Variants in AGBL1 observed in about 807,000 individuals in gnomAD.
AGBL1 encodes the protein cytosolic carboxypeptidase 4.
In AGBL1, 130 loss-of-function variants were observed where a neutral mutation model predicts 118.9. That is an observed-to-expected ratio of 1.09 (90% CI 0.95 to 1.26). AGBL1 has a LOEUF of 1.26. Among genes scored for constraint, AGBL1 ranks in the 50% most tolerant of loss-of-function variants. The probability of loss-of-function intolerance (pLI) is 0.00; values close to 1 mark genes in which losing one functional copy is unlikely to be tolerated. For missense variants in AGBL1, 1,584 were observed against 1,298.1 expected (o/e 1.22, Z -3.38); for synonymous variants, 555 against 478.9 (o/e 1.16, Z -2.08).
chr15:86,295,473 C>T, intron 17 of AGBL1, 65 bp downstream of exon 17: 1 of 1,460,734 alleles, frequency 6.8e-7, no homozygotes, highest in African/African-American at 1.4e-5. Flanking sequence ...GTCTTGGAAG[C>T]ATTCTGTCTC....
intron 17 of AGBL1, among the ~76,000 whole-genome samples, chr15:86,377,163 A>G (rs1312618109): frequency 1.3e-5 from 2 of 152,200 alleles, no homozygotes; most frequent in South Asian, 4.1e-4. Flanking sequence ...GATTTTATCC[A>G]TTCATCTGGG....
At chr15:86,451,678 CT>C (rs1158796765) in intron 18 of AGBL1, among the ~76,000 whole-genome samples, 1 of 152,128 alleles carries the variant, frequency 6.6e-6, no homozygotes, top group Non-Finnish European at 1.5e-5. Context: ...TTCATGTCCC[CT>C]TTTCCATTTT....
intron 22 of AGBL1, among the ~76,000 whole-genome samples, chr15:86,842,080 G>GAAACTCTT (rs2079253727): frequency 6.6e-6 from 1 of 152,006 alleles, no homozygotes; most frequent in Non-Finnish European, 1.5e-5. Context: ...CTGAAACTCT[G>GAAACTCTT]GATCTTGCAG....
intron 6 of AGBL1, among the ~76,000 whole-genome samples, chr15:86,235,366 G>T (rs979587951): frequency 2.0e-5 from 3 of 152,116 alleles, no homozygotes; most frequent in Admixed American, 6.5e-5. Context: ...CAATCAATCC[G>T]CATGCACTTG....
chr15:86,925,281 T>C lies in AGBL1; in HGVS notation c.3222-62706T>C, dbSNP rs565952961. 1.4e-4 allele frequency among the ~76,000 whole-genome samples: 22 copies of C among 152,066 alleles called. No individual in the cohort carries two copies. The South Asian group carries it at 4.4e-3, about 30-fold the overall frequency. On this transcript the variant is annotated intron_variant, in intron 23 of 24. Coordinates refer to the AGBL1 transcript ENST00000441037. The stretch of plus-strand genomic sequence containing the variant: ...GAGAGCTAAGCCCCAATCCTGGTGA[T>C]TGATTGGGGAGGTATATGGTAGAGT...
At chr15:86,973,076 G>C (rs2081127736) in intron 23 of AGBL1, among the ~76,000 whole-genome samples, 1 of 151,938 alleles carries the variant, frequency 6.6e-6, no homozygotes, top group South Asian at 2.1e-4. Context: ...CCTCAGTTTT[G>C]GCATTTGTGT....
chr15:86,858,198 C>T (rs2141474141), intron 22 of AGBL1, among the ~76,000 whole-genome samples: 1 of 152,048 alleles, frequency 6.6e-6, no homozygotes, highest in East Asian at 1.9e-4. Flanking sequence ...GAGGGTATCA[C>T]AGAAAAGAAG....
chr15:86,368,162 T>A (rs2141936974), intron 17 of AGBL1, among the ~76,000 whole-genome samples: 1 of 152,196 alleles, frequency 6.6e-6, no homozygotes. Flanking sequence ...AGCACCAAGA[T>A]GCCATAGCCC....
chr15:86,758,715 A>G (rs2077978048), intron 22 of AGBL1, among the ~76,000 whole-genome samples: 1 of 151,906 alleles, frequency 6.6e-6, no homozygotes, highest in Non-Finnish European at 1.5e-5. Flanking sequence ...CTCGTACCCA[A>G]AATCCCAGCA....
chr15:86,339,180 T>C (rs1168673671), intron 17 of AGBL1, among the ~76,000 whole-genome samples: 1 of 152,186 alleles, frequency 6.6e-6, no homozygotes, highest in Non-Finnish European at 1.5e-5. Context: ...ATTGTGCCAC[T>C]TCATTTGGCC....
At chr15:86,303,427 G>T (rs1054658671) in intron 17 of AGBL1, among the ~76,000 whole-genome samples, 1 of 152,100 alleles carries the variant, frequency 6.6e-6, no homozygotes, top group Non-Finnish European at 1.5e-5. Flanking sequence ...GGTATGAAGG[G>T]TAGGGAGTTG....
intron 18 of AGBL1, among the ~76,000 whole-genome samples, chr15:86,513,652 T>A (rs1354839579): frequency 1.6e-4 from 25 of 152,086 alleles, no homozygotes; most frequent in Admixed American, 1.6e-3. Context: ...GTTTGTCAAA[T>A]GATAAGTTTT....
intron 18 of AGBL1, among the ~76,000 whole-genome samples, chr15:86,409,736 C>T (rs182729930): frequency 6.0e-4 from 91 of 152,246 alleles, no homozygotes; most frequent in Non-Finnish European, 1.0e-3. Flanking sequence ...TTCAGTGTTG[C>T]AGAATCATTG....
chr15:86,464,014 C>A (rs1022389823), intron 18 of AGBL1, among the ~76,000 whole-genome samples: 3 of 152,160 alleles, frequency 2.0e-5, no homozygotes, highest in African/African-American at 7.2e-5. Context: ...AGCATTGAAT[C>A]TGTAAATTAC....
chr15:86,771,232 A>G (rs1430085072), intron 22 of AGBL1, among the ~76,000 whole-genome samples: 1 of 152,096 alleles, frequency 6.6e-6, no homozygotes, highest in Non-Finnish European at 1.5e-5. Flanking sequence ...AAGTGCTACT[A>G]TAATTAATCT....
In AGBL1 at chr15:86,701,240, C is replaced by T. The variant is rs142842710; in HGVS notation, c.3158+26804C>T. On this transcript the variant is annotated intron_variant, in intron 22 of 22. Transcript: ENST00000614907. ...GGAGTAATTATCACAGAGAAGGAGA[C>T]AAGAGAGGATATGATTTTCACATTT... 2.5e-3 allele frequency among the ~76,000 whole-genome samples: 375 copies of T among 152,038 alleles called. 1 individual carries two copies. The highest frequency in any genetic ancestry group is 8.4e-3 in the African/African-American group (349 of 41,474).
chr15:86,601,095 A>G (rs940081016), intron 21 of AGBL1, among the ~76,000 whole-genome samples: 16 of 152,254 alleles, frequency 1.1e-4, no homozygotes, highest in African/African-American at 3.6e-4. Context: ...TATTTGCATT[A>G]ACTTCCAGCC....
At chr15:86,708,490 C>T (rs1377098) in intron 22 of AGBL1, among the ~76,000 whole-genome samples, 77,592 of 151,894 alleles carry the variant, frequency 0.51, 22,053 homozygotes, top group African/African-American at 0.76. Context: ...AGTGAGAAAA[C>T]AAATTGCTAT....
At chr15:86,681,054 A>G (rs1257421486) in intron 22 of AGBL1, among the ~76,000 whole-genome samples, 3 of 152,064 alleles carry the variant, frequency 2.0e-5, no homozygotes, top group Non-Finnish European at 4.4e-5. Flanking sequence ...ACATGTCTCA[A>G]TTATAAAGGA....
Sources: allele counts gnomAD v4.1 joint callset (sites outside exome capture counted in the v4.1 genomes callset), GRCh38; gene constraint gnomAD v4.1.1; transcripts MANE v1.5; gene names NCBI Gene and HGNC (gene_info 2026-07-23, HGNC 2026-07-21).